ZC3H6: variants seen among roughly 807,000 people sequenced by gnomAD.
ZC3H6 encodes zinc finger CCCH domain-containing protein 6.
In ZC3H6, 40 loss-of-function variants were observed where a neutral mutation model predicts 107.7. That is an observed-to-expected ratio of 0.37 (90% CI 0.29 to 0.48). ZC3H6 has a LOEUF of 0.48. Ranked by LOEUF, ZC3H6 falls within the 20% of genes least tolerant of loss-of-function variation. The pLI is 0.98. For synonymous variants in ZC3H6, 493 were observed against 487.9 expected, an observed-to-expected ratio of 1.01 and a Z score of -0.14; for missense variants, 1,267 against 1,410.4, an observed-to-expected ratio of 0.90 and a Z score of 1.63.
At chr2:112,309,409 T>C (rs1676554298) in intron 3 of ZC3H6, among the ~76,000 whole-genome samples, 1 of 152,196 alleles carries the variant, frequency 6.6e-6, no homozygotes, top group Admixed American at 6.5e-5. Flanking sequence ...ACCCTTGATA[T>C]AGACATTTTC....
At chr2:112,289,000 G>A (rs1435933905) in intron 1 of ZC3H6, among the ~76,000 whole-genome samples, 1 of 77,984 alleles carries the variant, frequency 1.3e-5, no homozygotes, top group African/African-American at 4.4e-5. Context: ...CCACCCCCCC[G>A]CCACCACCAC....
chr2:112,324,489 G>A lies in ZC3H6; in HGVS notation c.1678G>A (p.Val560Met), dbSNP rs745750123. 4 of 1,613,510 alleles carry A rather than the reference G, an allele frequency of 2.5e-6. No individual in the cohort carries two copies. The highest frequency in any genetic ancestry group is 1.3e-5 in the African/African-American group (1 of 74,924). ...CCACTCCCCAGGCTTTCCAGGACAT[G>A]TGATGAAAGTACCCAGAGAGAATCA... ...AYHSPGFPGH[V>M]MKVPRENHCS... Residue 560 changes from valine (V) to methionine (M), a missense_variant, in exon 10 of 12, where the codon GTG (valine) becomes ATG (methionine). Coordinates refer to ENST00000409871, the MANE Select transcript of ZC3H6 (RefSeq NM_198581.3).
intron 1 of ZC3H6, among the ~76,000 whole-genome samples, chr2:112,280,915 T>C (rs1179522047): frequency 2.0e-5 from 3 of 152,076 alleles, no homozygotes; most frequent in African/African-American, 7.2e-5. Context: ...CATTTTTTGG[T>C]ATACTACCTG....
chr2:112,321,937 G>T, intron 8 of ZC3H6, 72 bp downstream of exon 8: 1 of 631,592 alleles, frequency 1.6e-6, no homozygotes, highest in South Asian at 3.0e-5. Context: ...TTTTATAAGT[G>T]ATATTTTATG....
At chr2:112,293,015 A>T (rs1198171662) in intron 1 of ZC3H6, among the ~76,000 whole-genome samples, 1 of 152,192 alleles carries the variant, frequency 6.6e-6, no homozygotes, top group Admixed American at 6.5e-5. Context: ...AAATGTAAGT[A>T]AATATGTTGT....
chr2:112,318,965 T>C (rs1676751121), intron 7 of ZC3H6, among the ~76,000 whole-genome samples: 1 of 152,096 alleles, frequency 6.6e-6, no homozygotes, highest in Non-Finnish European at 1.5e-5. Context: ...ATGACCAATA[T>C]TAAAATTAAC....
At chr2:112,301,447 T>G (rs1676370571) in intron 2 of ZC3H6, among the ~76,000 whole-genome samples, 1 of 152,200 alleles carries the variant, frequency 6.6e-6, no homozygotes, top group Admixed American at 6.5e-5. Context: ...AATAGCCATA[T>G]TTTTGAATAC....
chr2:112,308,146 G>T (rs1169502047), intron 3 of ZC3H6, among the ~76,000 whole-genome samples: 6 of 150,722 alleles, frequency 4.0e-5, no homozygotes, highest in African/African-American at 9.7e-5. Flanking sequence ...CACTGTTTTG[G>T]CTACAATCAT....
At chr2:112,305,670 G>A (rs187851945) in intron 3 of ZC3H6, among the ~76,000 whole-genome samples, 1 of 152,012 alleles carries the variant, frequency 6.6e-6, no homozygotes, top group African/African-American at 2.4e-5. Context: ...TTAGCCAGAC[G>A]CACTGCATCG....
At chr2:112,289,042 CTCTTTTTTT>C (rs370765640) in intron 1 of ZC3H6, among the ~76,000 whole-genome samples, 17,549 of 96,424 alleles carry the variant, frequency 0.18, 620 homozygotes, top group Non-Finnish European at 0.21. Flanking sequence ...AACTGAACCA[CTCTTTTTTT>C]TCTTTTTTTT....
chr2:112,320,967 C>A (rs1676790760), intron 7 of ZC3H6, among the ~76,000 whole-genome samples: 1 of 151,578 alleles, frequency 6.6e-6, no homozygotes. Context: ...TTTTTTAAAC[C>A]TAAAAAAGAA....
chr2:112,305,077 C>T (rs577089055), intron 3 of ZC3H6, among the ~76,000 whole-genome samples: 1 of 152,252 alleles, frequency 6.6e-6, no homozygotes, highest in African/African-American at 2.4e-5. Context: ...GTTGCTATTT[C>T]TCAGAACATT....
At chr2:112,278,599 G>A (rs569861135) in intron 1 of ZC3H6, among the ~76,000 whole-genome samples, 66 of 152,306 alleles carry the variant, frequency 4.3e-4, no homozygotes, top group Middle Eastern at 3.4e-3. Context: ...GATTACAGGG[G>A]TGAGCCACTG....
chr2:112,279,341 G>A (rs1256264810), intron 1 of ZC3H6, among the ~76,000 whole-genome samples: 1 of 152,218 alleles, frequency 6.6e-6, no homozygotes, highest in Non-Finnish European at 1.5e-5. Context: ...ATCTGTAGTA[G>A]AGTAGGAAAA....
chr2:112,338,224 A>G lies in ZC3H6; in HGVS notation c.*5736A>G, dbSNP rs1677167739. ...CTCAGCCTCCCAAAGTGCTGGGATT[A>G]CAGGCGTGAGCCACTGTGCCTGGCC... On this transcript the variant is annotated 3_prime_UTR_variant, in exon 12 of 12. Coordinates refer to ENST00000409871, the MANE Select transcript of ZC3H6 (RefSeq NM_198581.3). The G allele has an allele frequency of 6.6e-6, 1 of 152,408 alleles. No homozygotes were observed. Among genetic ancestry groups the G allele is most frequent in the Middle Eastern group, 3.4e-3 (1 of 294 alleles). The allele number at this position is 152,408 out of a possible 1,614,324, so 9.4% of individuals were successfully genotyped here. A position where few individuals can be genotyped will look rare whatever the true frequency, so the allele number is the denominator to read the frequency against.
chr2:112,331,960 C>T lies in ZC3H6; in HGVS notation c.3042C>T (p.Ser1014=). 6.2e-7 allele frequency: 1 copy of T among 1,613,998 alleles called. No homozygotes were observed. The highest frequency in any genetic ancestry group is 8.5e-7 in the Non-Finnish European group (1 of 1,179,892). The change falls in exon 12 of 12, where the codon AGC becomes AGT. Residue 1014 remains serine (S), a synonymous_variant. Transcript: ENST00000409871. ...CACAGCCCTCAGGGGCAGGAACTAG[C>T]AATTCTGGTTCCGGGGCTCTGCCTC... The part of the protein sequence containing the change: ...GSSQPSGAGT[S]NSGSGALPPY...
At chr2:112,292,586 T>A (rs1293946917) in intron 1 of ZC3H6, among the ~76,000 whole-genome samples, 2 of 152,208 alleles carry the variant, frequency 1.3e-5, no homozygotes, top group Non-Finnish European at 2.9e-5. Flanking sequence ...CCACTTTTGA[T>A]TAGCCAAATT....
intron 3 of ZC3H6, among the ~76,000 whole-genome samples, chr2:112,308,432 A>ATTTC (rs1441393414): frequency 6.8e-6 from 1 of 146,362 alleles, no homozygotes; most frequent in Non-Finnish European, 1.5e-5. Flanking sequence ...TTATTTATTT[A>ATTTC]TTTATTTATT....
intron 1 of ZC3H6, among the ~76,000 whole-genome samples, chr2:112,290,182 GACC>G (rs1414472764): frequency 6.6e-6 from 1 of 152,136 alleles, no homozygotes; most frequent in African/African-American, 2.4e-5. Flanking sequence ...CTGCCCTGGT[GACC>G]ACCATTTCCT....
Sources: allele counts gnomAD v4.1 joint callset (sites outside exome capture counted in the v4.1 genomes callset), GRCh38; gene constraint gnomAD v4.1.1; transcripts MANE v1.5; gene names NCBI Gene and HGNC (gene_info 2026-07-23, HGNC 2026-07-21).